The following GPC6 variants were observed in gnomAD, a reference collection of about 807,000 sequenced individuals.
GPC6 encodes the protein glypican 6, also known as glypican-6.
In GPC6, 14 loss-of-function variants were observed where a neutral mutation model predicts 55.2. That is an observed-to-expected ratio of 0.25 (90% CI 0.17 to 0.40). GPC6 has a LOEUF of 0.40. Among genes scored for constraint, GPC6 ranks in the 10% least tolerant of loss-of-function variants. GPC6 has a pLI of 1.00. For missense variants in GPC6, 641 were observed against 708.5 expected (o/e 0.90, Z 1.08); for synonymous variants, 278 against 259.6 (o/e 1.07, Z -0.68).
At chr13:93,510,750 G>A (rs1047154174) in intron 1 of GPC6, among the ~76,000 whole-genome samples, 1 of 150,914 alleles carries the variant, frequency 6.6e-6, no homozygotes, top group Non-Finnish European at 1.5e-5. Context: ...TTCTACTAGC[G>A]TGTTACCACT....
intron 2 of GPC6, among the ~76,000 whole-genome samples, chr13:93,829,429 G>C (rs1050480997): frequency 6.6e-6 from 1 of 152,218 alleles, no homozygotes; most frequent in South Asian, 2.1e-4. Flanking sequence ...TGAATTATTG[G>C]TGTGCACTTT....
At chr13:93,998,977 C>T (rs1881676645) in intron 3 of GPC6, among the ~76,000 whole-genome samples, 1 of 152,130 alleles carries the variant, frequency 6.6e-6, no homozygotes, top group South Asian at 2.1e-4. Flanking sequence ...CCAATACTTC[C>T]TCAACTCCCA....
chr13:94,214,820 G>C (rs1014696982), intron 4 of GPC6, among the ~76,000 whole-genome samples: 1 of 152,138 alleles, frequency 6.6e-6, no homozygotes, highest in African/African-American at 2.4e-5. Flanking sequence ...CATTCTTTCT[G>C]TGCCCTTTGG....
rs369000682 is a variant in GPC6, at chr13:93,912,600, T to G, written c.711+82055T>G. On this transcript the variant is annotated intron_variant, in intron 3 of 8. Transcript: ENST00000377047. Reference sequence around the variant, plus strand: ...CTACTAAAAATACAAAAAATTAGCCTGGTGTGGTGGCGGGCGCCTGTAGTC... The same window carrying G: ...CTACTAAAAATACAAAAAATTAGCCGGGTGTGGTGGCGGGCGCCTGTAGTC... Among the ~76,000 whole-genome samples the G allele has an allele frequency of 1.7e-3, 256 of 151,882 alleles. 3 individuals are homozygous for G. Among genetic ancestry groups the G allele is most frequent in the Middle Eastern group, 6.8e-3 (2 of 294 alleles).
At position 94,145,949 on chromosome 13, in the gene GPC6, G is replaced by T. The variant is rs116810236; in HGVS notation, c.877+118055G>T. ...GGATCAAATGGACTTCTCTGTGTCTGCAATGAAAGAAGTCTGAGCTAAGAT... is the reference window on the plus strand; with the variant it reads ...GGATCAAATGGACTTCTCTGTGTCTTCAATGAAAGAAGTCTGAGCTAAGAT... On this transcript the variant is annotated intron_variant, in intron 4 of 8. Coordinates refer to ENST00000377047, the MANE Select transcript of GPC6 (RefSeq NM_005708.5). Among the ~76,000 whole-genome samples, 833 of 152,218 alleles carry T rather than the reference G, an allele frequency of 5.5e-3. 10 individuals are homozygous for T. Among genetic ancestry groups the T allele is most frequent in the African/African-American group, 0.019 (800 of 41,560 alleles).
intron 2 of GPC6, among the ~76,000 whole-genome samples, chr13:93,751,757 C>A (rs1884601607): frequency 1.3e-5 from 2 of 151,970 alleles, no homozygotes; most frequent in African/African-American, 4.8e-5. Flanking sequence ...AACTCCTGGG[C>A]TCAAGTGATT....
chr13:93,672,725 A>G (rs1192599544), intron 2 of GPC6, among the ~76,000 whole-genome samples: 2 of 151,656 alleles, frequency 1.3e-5, no homozygotes, highest in Admixed American at 6.6e-5. Flanking sequence ...GTAAAATTAG[A>G]TACATATATA....
chr13:94,048,981 C>A (rs749055685), intron 4 of GPC6, among the ~76,000 whole-genome samples: 4 of 151,952 alleles, frequency 2.6e-5, no homozygotes, highest in Non-Finnish European at 5.9e-5. Context: ...CATGGCTCAC[C>A]CCTGTAATCC....
Position 93,280,962 on chromosome 13 carries a change from G to A in GPC6, c.160+53346G>A, listed in dbSNP as rs367595188. Among the ~76,000 whole-genome samples the A allele has an allele frequency of 1.8e-3, 274 of 152,254 alleles. 2 individuals are homozygous for A. Among genetic ancestry groups the A allele is most frequent in the African/African-American group, 5.6e-3 (231 of 41,540 alleles). On this transcript the variant is annotated intron_variant, in intron 1 of 8. Coordinates refer to ENST00000377047, the MANE Select transcript of GPC6 (RefSeq NM_005708.5). The stretch of plus-strand genomic sequence containing the variant: ...TAATGCTCGTCCCTTGCTCACCTCC[G>A]GCTGTGTGGCCCAGTTCCTAATAGG...
Position 94,310,318 on chromosome 13 carries a change from T to C in GPC6, c.1152+4195T>C, listed in dbSNP as rs182401036. ...CAGGTTTGGAAATTAACTCAACAAG[T>C]TGGTGATGACTTAGAGCCATAAATC... On this transcript the variant is annotated intron_variant, in intron 6 of 8. Coordinates refer to ENST00000377047, the MANE Select transcript of GPC6 (RefSeq NM_005708.5). Among the ~76,000 whole-genome samples, 56 of 152,104 alleles carry C rather than the reference T, an allele frequency of 3.7e-4. 1 individual carries two copies. Among genetic ancestry groups the C allele is most frequent in the African/African-American group, 1.2e-3 (51 of 41,504 alleles).
intron 1 of GPC6, among the ~76,000 whole-genome samples, chr13:93,423,627 C>T (rs996670247): frequency 6.6e-6 from 1 of 152,104 alleles, no homozygotes; most frequent in African/African-American, 2.4e-5. Context: ...TTGATCGTCT[C>T]TCTGGGAATG....
At chr13:94,026,862 C>T (rs1278870706) in intron 3 of GPC6, among the ~76,000 whole-genome samples, 2 of 152,148 alleles carry the variant, frequency 1.3e-5, no homozygotes, top group Admixed American at 1.3e-4. Flanking sequence ...CTGGTGAGAA[C>T]TCCCTCACTA....
At chr13:93,729,807 G>A (rs1883762062) in intron 2 of GPC6, among the ~76,000 whole-genome samples, 1 of 152,140 alleles carries the variant, frequency 6.6e-6, no homozygotes, top group Non-Finnish European at 1.5e-5. Flanking sequence ...TAAATGGGGT[G>A]TATTCCTTCA....
intron 1 of GPC6, among the ~76,000 whole-genome samples, chr13:93,435,522 A>G (rs184622294): frequency 6.6e-6 from 1 of 152,128 alleles, no homozygotes; most frequent in East Asian, 1.9e-4. Flanking sequence ...AGATATCACA[A>G]TGGTAGTTCT....
chr13:94,363,272 C>CA (rs957176323), intron 6 of GPC6, among the ~76,000 whole-genome samples: 1 of 151,774 alleles, frequency 6.6e-6, no homozygotes, highest in African/African-American at 2.4e-5. Context: ...AAATGCAAAC[C>CA]AAAAAAAGCT....
In GPC6 at chr13:93,653,048, A is replaced by G. The variant is rs535272885; in HGVS notation, c.319+107627A>G. 4.6e-5 allele frequency among the ~76,000 whole-genome samples: 7 copies of G among 152,304 alleles called. 1 individual carries two copies. The highest frequency in any genetic ancestry group is 1.7e-4 in the African/African-American group (7 of 41,566). On this transcript the variant is annotated intron_variant, in intron 2 of 8. Coordinates refer to ENST00000377047, the MANE Select transcript of GPC6 (RefSeq NM_005708.5). ...ATTCAGGAAGACACATGTATACTAC[A>G]TATTGTATTTAGGCACCTGGTACAT...
At chr13:93,426,718 A>G (rs1479345968) in intron 1 of GPC6, among the ~76,000 whole-genome samples, 2 of 152,266 alleles carry the variant, frequency 1.3e-5, no homozygotes, top group East Asian at 1.9e-4. Context: ...GTGTCTTTAT[A>G]GCAGCATGAT....
intron 2 of GPC6, among the ~76,000 whole-genome samples, chr13:93,697,532 T>G (rs534965054): frequency 6.6e-6 from 1 of 152,290 alleles, no homozygotes; most frequent in East Asian, 1.9e-4. Flanking sequence ...TCTGTCGGTT[T>G]TTGCTGTTGA....
chr13:93,854,600 A>G (rs1442495402), intron 3 of GPC6, among the ~76,000 whole-genome samples: 15 of 151,742 alleles, frequency 9.9e-5, no homozygotes, highest in South Asian at 2.1e-4. Context: ...GACATTTTAT[A>G]TAGTTGAGAT....
Sources: gnomAD v4.1 joint callset for allele counts (sites outside exome capture counted in the v4.1 genomes callset) on GRCh38, gnomAD v4.1.1 for gene constraint, MANE v1.5 for transcripts, NCBI Gene and HGNC (gene_info 2026-07-23, HGNC 2026-07-21) for gene names.